Variants in ITSN1 observed in about 807,000 individuals in gnomAD.
The protein encoded by ITSN1 is intersectin-1.
A neutral mutation model predicts 239.8 loss-of-function variants in ITSN1; 58 were observed. That is an observed-to-expected ratio of 0.24 (90% CI 0.20 to 0.30). The LOEUF (loss-of-function observed/expected upper bound fraction) is 0.30. Ranked by LOEUF, ITSN1 falls within the 10% of genes least tolerant of loss-of-function variation. The pLI is 1.00. For missense variants in ITSN1, 1,558 were observed against 2,103.3 expected (o/e 0.74, Z 5.07); for synonymous variants, 780 against 770.8 (o/e 1.01, Z -0.20).
At chr21:33,654,432 G>T (rs912286039) in intron 1 of ITSN1, among the ~76,000 whole-genome samples, 2 of 152,010 alleles carry the variant, frequency 1.3e-5, no homozygotes, top group Non-Finnish European at 2.9e-5. Flanking sequence ...TAGAATCAAC[G>T]TTAGTTATTA....
chr21:33,858,359 G>A (rs984320181), intron 30 of ITSN1, among the ~76,000 whole-genome samples: 5 of 152,224 alleles, frequency 3.3e-5, no homozygotes, highest in African/African-American at 9.6e-5. Flanking sequence ...CTCCCAGTGC[G>A]CAGGTGAGAC....
intron 25 of ITSN1, among the ~76,000 whole-genome samples, chr21:33,824,234 G>T (rs2073853866): frequency 6.6e-6 from 1 of 152,156 alleles, no homozygotes; most frequent in Non-Finnish European, 1.5e-5. Context: ...TGCTCTCACT[G>T]TTGTTAAATA....
At chr21:33,824,888 G>A (rs1223409306) in intron 25 of ITSN1, among the ~76,000 whole-genome samples, 1 of 152,190 alleles carries the variant, frequency 6.6e-6, no homozygotes, top group Non-Finnish European at 1.5e-5. Flanking sequence ...CAGAAGCCCG[G>A]AAGAAAGTAA....
At chr21:33,741,925 C>T (rs920568931) in intron 5 of ITSN1, among the ~76,000 whole-genome samples, 1 of 147,286 alleles carries the variant, frequency 6.8e-6, no homozygotes, top group Non-Finnish European at 1.5e-5. Context: ...AGGAAATAGT[C>T]TGATTTTCTT....
intron 27 of ITSN1, among the ~76,000 whole-genome samples, chr21:33,830,361 A>G (rs966248123): frequency 1.1e-4 from 17 of 152,210 alleles, no homozygotes; most frequent in Non-Finnish European, 2.2e-4. Flanking sequence ...GTAGGAGCAG[A>G]AAATGTGCAT....
chr21:33,823,399 C>T, intron 24 of ITSN1, 88 bp from the exon 25 acceptor site: 1 of 1,198,576 alleles, frequency 8.3e-7, no homozygotes, highest in Admixed American at 2.0e-5. Flanking sequence ...TCCTAACTTC[C>T]TTATTCGTAA....
chr21:33,673,124 T>C (rs1422191239), intron 1 of ITSN1, among the ~76,000 whole-genome samples: 2 of 152,232 alleles, frequency 1.3e-5, no homozygotes, highest in Admixed American at 6.5e-5. Flanking sequence ...TAGATGAACC[T>C]GGAGAGCATG....
intron 1 of ITSN1, among the ~76,000 whole-genome samples, chr21:33,696,832 C>T (rs1440610401): frequency 6.6e-6 from 1 of 152,166 alleles, no homozygotes; most frequent in Admixed American, 6.5e-5. Context: ...CCTTTAACCA[C>T]TGTTCGTGCC....
In ITSN1 at chr21:33,729,290, T is replaced by A. The variant is rs550446959; in HGVS notation, c.186-5754T>A. 6.0e-5 allele frequency among the ~76,000 whole-genome samples: 9 copies of A among 148,948 alleles called. No homozygotes were observed. In the South Asian group the frequency reaches 8.5e-4, roughly 14 times the overall value. On this transcript the variant is annotated intron_variant, in intron 4 of 39. Transcript: ENST00000381318. Reference sequence around the variant, plus strand: ...ACATAGTGAGACCCCGTCTCTACTTTAAAAAAAAAATTATCCAGGTATGGT... The same window carrying A: ...ACATAGTGAGACCCCGTCTCTACTTAAAAAAAAAAATTATCCAGGTATGGT...
intron 27 of ITSN1, among the ~76,000 whole-genome samples, chr21:33,833,915 C>CATTATTATT (rs59665729): frequency 1.1e-4 from 16 of 149,840 alleles, no homozygotes; most frequent in African/African-American, 3.7e-4. Context: ...TATTGGTGGC[C>CATTATTATT]ATTATTATTA....
intron 1 of ITSN1, among the ~76,000 whole-genome samples, chr21:33,706,492 A>C (rs1173949460): frequency 5.9e-5 from 9 of 151,636 alleles, no homozygotes; most frequent in East Asian, 1.9e-4. Context: ...AAAAAAAAAA[A>C]CACTGGATAT....
At chr21:33,800,016 T>C in intron 19 of ITSN1, 87 bp downstream of exon 19, 2 of 1,372,728 alleles carry the variant, frequency 1.5e-6, no homozygotes, top group Non-Finnish European at 2.0e-6. Context: ...ATTGTGAGAT[T>C]GTCAGTGAGT....
At chr21:33,886,017 G>A (rs1243588403) in intron 38 of ITSN1, among the ~76,000 whole-genome samples, 1 of 151,970 alleles carries the variant, frequency 6.6e-6, no homozygotes, top group East Asian at 1.9e-4. Context: ...GACCAGCCTG[G>A]CCAACATGGT....
At chr21:33,676,037 T>C (rs1032126935) in intron 1 of ITSN1, among the ~76,000 whole-genome samples, 4 of 143,222 alleles carry the variant, frequency 2.8e-5, no homozygotes, top group Non-Finnish European at 6.1e-5. Flanking sequence ...CTTTTTTTTG[T>C]TTTTTTTTTT....
At chr21:33,657,651 A>T (rs1030897757) in intron 1 of ITSN1, among the ~76,000 whole-genome samples, 2 of 152,142 alleles carry the variant, frequency 1.3e-5, no homozygotes, top group African/African-American at 4.8e-5. Context: ...TTGACCTTTG[A>T]ACAAGGGAGG....
chr21:33,672,624 C>T (rs1381567343), intron 1 of ITSN1, among the ~76,000 whole-genome samples: 1 of 152,132 alleles, frequency 6.6e-6, no homozygotes, highest in East Asian at 1.9e-4. Context: ...AATCCCTATA[C>T]CCAAAGGAAA....
At chr21:33,771,899 C>A in intron 11 of ITSN1, 162 bp from the exon 12 acceptor site, 1 of 702,148 alleles carries the variant, frequency 1.4e-6, no homozygotes, top group Non-Finnish European at 2.4e-6. Flanking sequence ...AGAGGTTAGG[C>A]AAAGGGGGTT....
At chr21:33,772,690 G>A (rs1255041474) in intron 12 of ITSN1, among the ~76,000 whole-genome samples, 1 of 152,134 alleles carries the variant, frequency 6.6e-6, no homozygotes, top group East Asian at 1.9e-4. Flanking sequence ...AAATGAATCA[G>A]TCCTTTATTC....
chr21:33,819,157 G>T, intron 23 of ITSN1, 84 bp from the exon 24 acceptor site: 38 of 975,360 alleles, frequency 3.9e-5, no homozygotes, highest in East Asian at 7.7e-5. Context: ...TAAAAGTTAA[G>T]CAGTTTTAAC....
Sources: allele counts gnomAD v4.1 joint callset (sites outside exome capture counted in the v4.1 genomes callset), GRCh38; gene constraint gnomAD v4.1.1; transcripts MANE v1.5; gene names NCBI Gene and HGNC (gene_info 2026-07-23, HGNC 2026-07-21).